Variants in STK32B observed in about 807,000 individuals in gnomAD.
The protein encoded by STK32B is serine/threonine-protein kinase 32B.
Under a neutral mutation model 52.6 loss-of-function variants are expected in STK32B, and 43 were observed. The observed-to-expected ratio is 0.82, with a 90% CI of 0.64 to 1.05. The LOEUF (loss-of-function observed/expected upper bound fraction) is 1.05. Ranked by LOEUF, STK32B falls within the 50% of genes least tolerant of loss-of-function variation. The probability of loss-of-function intolerance (pLI) is 0.00; values close to 1 mark genes in which losing one functional copy is unlikely to be tolerated. For synonymous variants in STK32B, 238 were observed against 204.3 expected, an observed-to-expected ratio of 1.17 and a Z score of -1.41; for missense variants, 621 against 534.6, an observed-to-expected ratio of 1.16 and a Z score of -1.59.
chr4:5,358,406 C>T (rs1168776346), intron 4 of STK32B, among the ~76,000 whole-genome samples: 1 of 152,160 alleles, frequency 6.6e-6, no homozygotes, highest in Non-Finnish European at 1.5e-5. Context: ...TTGGAAATGT[C>T]AGCACAAAGT....
At chr4:5,314,793 C>A (rs77753225) in intron 3 of STK32B, among the ~76,000 whole-genome samples, 3 of 151,714 alleles carry the variant, frequency 2.0e-5, no homozygotes, top group Non-Finnish European at 4.4e-5. Flanking sequence ...AGTAGCAAAA[C>A]GGGCTGGGAA....
intron 4 of STK32B, among the ~76,000 whole-genome samples, chr4:5,346,696 C>G (rs1460439603): frequency 1.3e-5 from 2 of 152,170 alleles, no homozygotes; most frequent in African/African-American, 4.8e-5. Flanking sequence ...ACTCTATTAA[C>G]AAGGAGGAGT....
intron 6 of STK32B, among the ~76,000 whole-genome samples, chr4:5,428,289 T>A (rs1164097433): frequency 6.6e-6 from 1 of 151,916 alleles, no homozygotes. Context: ...GTGCCTGTAG[T>A]CCCAACTACT....
At chr4:5,353,751 T>A (rs149340261) in intron 4 of STK32B, among the ~76,000 whole-genome samples, 1 of 152,128 alleles carries the variant, frequency 6.6e-6, no homozygotes, top group East Asian at 1.9e-4. Context: ...CAGATGCTGG[T>A]GAGGATGTAA....
chr4:5,431,029 T>TC (rs1232837401), intron 6 of STK32B, among the ~76,000 whole-genome samples: 1 of 152,216 alleles, frequency 6.6e-6, no homozygotes, highest in Non-Finnish European at 1.5e-5. Context: ...AGGCTCTGTG[T>TC]CAATGGGTCT....
At chr4:5,054,918 A>G (rs66581929) in intron 1 of STK32B, among the ~76,000 whole-genome samples, 35,170 of 152,130 alleles carry the variant, frequency 0.23, 4,316 homozygotes, top group East Asian at 0.5. Context: ...CACATGATAT[A>G]TAATAAGCAG....
intron 11 of STK32B, among the ~76,000 whole-genome samples, chr4:5,494,037 G>GA (rs1156897759): frequency 3.9e-5 from 6 of 152,258 alleles, no homozygotes; most frequent in African/African-American, 1.4e-4. Flanking sequence ...GTGTGGTGCT[G>GA]AAAAAAATGT....
chr4:5,325,543 A>G (rs986188240), intron 3 of STK32B, among the ~76,000 whole-genome samples: 2 of 152,006 alleles, frequency 1.3e-5, no homozygotes, highest in South Asian at 2.1e-4. Flanking sequence ...TTTTAATTCT[A>G]TTATGTTATA....
intron 3 of STK32B, among the ~76,000 whole-genome samples, chr4:5,308,901 C>A (rs1446853710): frequency 6.6e-6 from 1 of 151,318 alleles, no homozygotes; most frequent in Non-Finnish European, 1.5e-5. Flanking sequence ...CTAGACAGAA[C>A]AATTATGCAA....
chr4:5,310,607 C>T (rs536859741), intron 3 of STK32B, among the ~76,000 whole-genome samples: 1 of 151,964 alleles, frequency 6.6e-6, no homozygotes, highest in South Asian at 2.1e-4. Flanking sequence ...ATTAGTATAG[C>T]CATTATGGAA....
intron 2 of STK32B, among the ~76,000 whole-genome samples, chr4:5,165,653 A>G (rs1253691456): frequency 6.6e-6 from 1 of 152,178 alleles, no homozygotes; most frequent in Non-Finnish European, 1.5e-5. Context: ...GTCTGGCTTC[A>G]GACATGGGTC....
intron 5 of STK32B, among the ~76,000 whole-genome samples, chr4:5,410,116 G>T (rs928497030): frequency 2.2e-4 from 33 of 152,170 alleles, no homozygotes; most frequent in African/African-American, 8.0e-4. Flanking sequence ...GTGTTGAACA[G>T]TGGCAGCCAA....
Position 5,177,157 on chromosome 4 carries a change from A to G in STK32B, c.260+8707A>G, listed in dbSNP as rs1453231769. On this transcript the variant is annotated intron_variant, in intron 3 of 11. Coordinates refer to ENST00000282908, the MANE Select transcript of STK32B (RefSeq NM_018401.3). ...AACTGCCCAAGACTGGGTGATTTATAAAGGAAAGAAGTTTAATTGACTCAC... is the reference window on the plus strand; with the variant it reads ...AACTGCCCAAGACTGGGTGATTTATGAAGGAAAGAAGTTTAATTGACTCAC... Among the ~76,000 whole-genome samples, 29 of 152,216 alleles carry G rather than the reference A, an allele frequency of 1.9e-4. 1 individual carries two copies.
At chr4:5,417,350 A>G (rs1712252256) in intron 6 of STK32B, among the ~76,000 whole-genome samples, 1 of 152,044 alleles carries the variant, frequency 6.6e-6, no homozygotes, top group Non-Finnish European at 1.5e-5. Context: ...TTATGGGATT[A>G]TTGTTTTTAG....
intron 3 of STK32B, among the ~76,000 whole-genome samples, chr4:5,201,624 A>AG (rs1560220911): frequency 6.6e-6 from 1 of 152,226 alleles, no homozygotes; most frequent in Non-Finnish European, 1.5e-5. Context: ...TCATTTATAA[A>AG]GGAAAGAAGT....
chr4:5,148,724 G>T (rs1469119696), intron 2 of STK32B, among the ~76,000 whole-genome samples: 1 of 151,812 alleles, frequency 6.6e-6, no homozygotes, highest in African/African-American at 2.4e-5. Context: ...GTAAGATTCA[G>T]TAAATATTAG....
intron 1 of STK32B, among the ~76,000 whole-genome samples, chr4:5,112,382 A>G (rs1714451698): frequency 1.3e-5 from 2 of 152,200 alleles, no homozygotes; most frequent in African/African-American, 4.8e-5. Context: ...GAGAGCCAGG[A>G]GAGCTGCTGG....
At chr4:5,489,207 A>T (rs1719477997) in intron 11 of STK32B, among the ~76,000 whole-genome samples, 2 of 152,204 alleles carry the variant, frequency 1.3e-5, no homozygotes, top group South Asian at 4.1e-4. Flanking sequence ...ATTTACGTTT[A>T]TCTGCTTTAT....
At chr4:5,200,802 C>G (rs1722078886) in intron 3 of STK32B, among the ~76,000 whole-genome samples, 1 of 152,146 alleles carries the variant, frequency 6.6e-6, no homozygotes, top group South Asian at 2.1e-4. Context: ...AATGGGGAAG[C>G]CTTACAGACT....
Sources: allele counts gnomAD v4.1 joint callset (sites outside exome capture counted in the v4.1 genomes callset), GRCh38; gene constraint gnomAD v4.1.1; transcripts MANE v1.5; gene names NCBI Gene and HGNC (gene_info 2026-07-23, HGNC 2026-07-21).